Variants in TMEM163 observed in about 807,000 individuals in gnomAD.
TMEM163 encodes transmembrane protein 163.
TMEM163 carries 17 observed loss-of-function variants against 29.3 expected under a neutral mutation model. The observed-to-expected ratio is 0.58, with a 90% CI of 0.40 to 0.87. The LOEUF (loss-of-function observed/expected upper bound fraction) is 0.87, where lower values mean the gene tolerates loss of function less well. Among genes scored for constraint, TMEM163 ranks in the 40% least tolerant of loss-of-function variants. The probability of loss-of-function intolerance (pLI) is 0.00; values close to 1 mark genes in which losing one functional copy is unlikely to be tolerated. For synonymous variants in TMEM163, 157 were observed against 160.6 expected, an observed-to-expected ratio of 0.98 and a Z score of 0.17; for missense variants, 303 against 381.5, an observed-to-expected ratio of 0.79 and a Z score of 1.71.
chr2:134,517,647 G>GAA (rs1680103867), intron 4 of TMEM163, among the ~76,000 whole-genome samples: 1 of 152,142 alleles, frequency 6.6e-6, no homozygotes, highest in Admixed American at 6.5e-5. Context: ...GAAAAAAAAT[G>GAA]GAAAATATCT....
chr2:134,489,406 C>T (rs1216077482), intron 5 of TMEM163, among the ~76,000 whole-genome samples: 4 of 152,000 alleles, frequency 2.6e-5, no homozygotes, highest in South Asian at 2.1e-4. Context: ...GGAAAAACCC[C>T]GTCTCTACTA....
At chr2:134,622,148 C>T (rs1242628315) in intron 2 of TMEM163, among the ~76,000 whole-genome samples, 2 of 152,108 alleles carry the variant, frequency 1.3e-5, no homozygotes, top group African/African-American at 4.8e-5. Flanking sequence ...TCTGTGGTTA[C>T]TCGAAGTTGA....
At chr2:134,679,662 C>G in intron 2 of TMEM163, among the ~76,000 whole-genome samples, 1 of 152,206 alleles carries the variant, frequency 6.6e-6, no homozygotes, top group Non-Finnish European at 1.5e-5. Context: ...ACACCTAATC[C>G]TGGAAAGGAC....
Position 134,642,446 on chromosome 2 carries a change from A to G in TMEM163, c.322+70754T>C, listed in dbSNP as rs180724051. Among the ~76,000 whole-genome samples the G allele has an allele frequency of 7.2e-5, 11 of 152,298 alleles. No homozygotes were observed. In the East Asian group the frequency reaches 2.1e-3, roughly 29 times the overall value. On this transcript the variant is annotated intron_variant, in intron 2 of 7. Coordinates refer to ENST00000281924, the MANE Select transcript of TMEM163 (RefSeq NM_030923.5). Reference sequence around the variant, plus strand: ...CGAACGGCCACCAATCCATAATTACAGTTGGAGACTTCAATACTACTTTCT... The same window carrying G: ...CGAACGGCCACCAATCCATAATTACGGTTGGAGACTTCAATACTACTTTCT...
chr2:134,513,521 C>A (rs1199719850), intron 4 of TMEM163, among the ~76,000 whole-genome samples: 1 of 152,188 alleles, frequency 6.6e-6, no homozygotes, highest in Non-Finnish European at 1.5e-5. Flanking sequence ...CCCTGTGGAG[C>A]TTCACGTGCT....
chr2:134,550,311 CG>C (rs1274144967), intron 4 of TMEM163, among the ~76,000 whole-genome samples: 2 of 152,102 alleles, frequency 1.3e-5, no homozygotes, highest in African/African-American at 4.8e-5. Context: ...GATGGATGAG[CG>C]GATGGATAGA....
intron 2 of TMEM163, among the ~76,000 whole-genome samples, chr2:134,564,788 AC>A (rs1681259699): frequency 6.6e-6 from 1 of 152,206 alleles, no homozygotes; most frequent in Admixed American, 6.5e-5. Context: ...TAAAACTAAA[AC>A]CACAGATGCC....
rs556897898 is a variant in TMEM163 at position 134,564,818 on chromosome 2, G to A, written c.323-12727C>T. Among the ~76,000 whole-genome samples, 220 of 152,334 alleles carry A rather than the reference G, an allele frequency of 1.4e-3. 2 individuals are homozygous for A. Among genetic ancestry groups the A allele is most frequent in the African/African-American group, 5.2e-3 (216 of 41,582 alleles). ...AGATGCCACTACATACTCAAAGTGT[G>A]ACTAAAAAGTAAAAAAGCTGACAGT... On this transcript the variant is annotated intron_variant, in intron 2 of 7. Transcript: ENST00000281924.
chr2:134,625,406 C>G (rs1029855210), intron 2 of TMEM163, among the ~76,000 whole-genome samples: 1 of 152,298 alleles, frequency 6.6e-6, no homozygotes, highest in South Asian at 2.1e-4. Context: ...TACATGGAGC[C>G]ATTTCATAAT....
In TMEM163 at chr2:134,648,863, C is replaced by T. The variant is rs148751538; in HGVS notation, c.322+64337G>A. Among the ~76,000 whole-genome samples, 437 of 152,230 alleles carry T rather than the reference C, an allele frequency of 2.9e-3. 1 individual carries two copies. The highest frequency in any genetic ancestry group is 4.5e-3 in the Non-Finnish European group (305 of 68,026). ...TTGCTAATATGGGATGTAAATGATT[C>T]GCTTCAACCAGAAGTAAATACTTCC... is the stretch of plus-strand genomic sequence containing the variant. On this transcript the variant is annotated intron_variant, in intron 2 of 7. Coordinates refer to ENST00000281924, the MANE Select transcript of TMEM163 (RefSeq NM_030923.5).
intron 5 of TMEM163, among the ~76,000 whole-genome samples, chr2:134,497,089 G>T (rs1234502502): frequency 1.3e-5 from 2 of 152,126 alleles, no homozygotes; most frequent in African/African-American, 2.4e-5. Context: ...GACAAAAAAA[G>T]CTCCTCTGTG....
chr2:134,463,375 C>T (rs1426262946), intron 6 of TMEM163, among the ~76,000 whole-genome samples: 1 of 152,240 alleles, frequency 6.6e-6, no homozygotes, highest in Non-Finnish European at 1.5e-5. Flanking sequence ...CCAAGGAAGG[C>T]ATTTGATTTT....
At chr2:134,707,790 T>C (rs1023722490) in intron 2 of TMEM163, among the ~76,000 whole-genome samples, 6 of 151,748 alleles carry the variant, frequency 4.0e-5, no homozygotes, top group East Asian at 1.9e-4. Context: ...GAGGCTGCCA[T>C]GTGAGATCCG....
chr2:134,592,887 G>GATAGATAGATAGATAGATAGATAC (rs1381897401), intron 2 of TMEM163, among the ~76,000 whole-genome samples: 1 of 152,084 alleles, frequency 6.6e-6, no homozygotes, highest in African/African-American at 2.4e-5. Context: ...TAGATAGATA[G>GATAGATAGATAGATAGATAGATAC]ATAGACCAAC....
rs72984267 is a variant in TMEM163, at chr2:134,571,597, C to T, written c.323-19506G>A. Among the ~76,000 whole-genome samples the T allele has an allele frequency of 2.8e-3, 430 of 152,264 alleles. 3 individuals are homozygous for T. Among genetic ancestry groups the T allele is most frequent in the African/African-American group, 9.7e-3 (402 of 41,540 alleles). ...CACAAGAGGGACTCACAGGACTCAG[C>T]ATATAGTCACACCCATGGCTAAGAT... On this transcript the variant is annotated intron_variant, in intron 2 of 7. Transcript: ENST00000281924.
At position 134,570,469 on chromosome 2, in the gene TMEM163, T is replaced by TATACATATACATATAC. The variant is rs72394533; in HGVS notation, c.323-18379_323-18378insGTATATGTATATGTAT. On this transcript the variant is annotated intron_variant, in intron 2 of 7. Transcript: ENST00000281924. ...AGATAAGGGGGTACTACTACATATA[T>TATACATATACATATAC]ATATACATATACATATACATATACA... Among the ~76,000 whole-genome samples, 209 of 145,182 alleles carry TATACATATACATATAC rather than the reference T, an allele frequency of 1.4e-3. 1 individual carries two copies. The highest frequency in any genetic ancestry group is 4.7e-3 in the African/African-American group (184 of 38,834).
chr2:134,531,401 G>C (rs1028909377), intron 4 of TMEM163, among the ~76,000 whole-genome samples: 11 of 152,148 alleles, frequency 7.2e-5, no homozygotes, highest in African/African-American at 2.4e-4. Context: ...GTTCAATTCT[G>C]ACACTACCCA....
At chr2:134,554,422 CAAAAAAA>C (rs941286100) in intron 2 of TMEM163, among the ~76,000 whole-genome samples, 67 of 21,144 alleles carry the variant, frequency 3.2e-3, no homozygotes, top group South Asian at 0.011. Context: ...GACCCCATCT[CAAAAAAA>C]AAAAAAAAAA....
intron 2 of TMEM163, 49 bp downstream of exon 2, chr2:134,713,151 A>G (rs1231140543): frequency 6.3e-6 from 10 of 1,588,422 alleles, no homozygotes; most frequent in African/African-American, 1.4e-5. Flanking sequence ...TTAGAGAATA[A>G]AACGGGCAAC....
Sources: gnomAD v4.1 joint callset for allele counts (sites outside exome capture counted in the v4.1 genomes callset) on GRCh38, gnomAD v4.1.1 for gene constraint, MANE v1.5 for transcripts, NCBI Gene and HGNC (gene_info 2026-07-23, HGNC 2026-07-21) for gene names.